The following RIT2 variants were observed in gnomAD, a reference collection of about 807,000 sequenced individuals.
RIT2 encodes GTP-binding protein Rit2.
Under a neutral mutation model 23.7 loss-of-function variants are expected in RIT2, and 24 were observed. That is an observed-to-expected ratio of 1.01 (90% CI 0.73 to 1.43). The LOEUF (loss-of-function observed/expected upper bound fraction) is 1.43. Among genes scored for constraint, RIT2 ranks in the 40% most tolerant of loss-of-function variants. RIT2 has a pLI of 0.00. For missense variants in RIT2, 236 were observed against 266.9 expected, an observed-to-expected ratio of 0.88 and a Z score of 0.81; for synonymous variants, 107 against 91.1, an observed-to-expected ratio of 1.17 and a Z score of -0.99.
intron 4 of RIT2, among the ~76,000 whole-genome samples, chr18:42,817,021 C>G (rs1906017739): frequency 6.6e-6 from 1 of 152,044 alleles, no homozygotes; most frequent in African/African-American, 2.4e-5. Context: ...GGAAGCTATA[C>G]TGCTTGTCTG....
intron 2 of RIT2, among the ~76,000 whole-genome samples, chr18:42,980,746 C>A (rs1423949647): frequency 1.3e-5 from 2 of 152,036 alleles, no homozygotes; most frequent in African/African-American, 4.8e-5. Flanking sequence ...CAGAACCCTA[C>A]CTGGAGATTT....
intron 4 of RIT2, among the ~76,000 whole-genome samples, chr18:42,794,233 G>A (rs1914105123): frequency 6.6e-6 from 1 of 152,118 alleles, no homozygotes; most frequent in African/African-American, 2.4e-5. Context: ...CAAGCAGTCA[G>A]AACTTCCCCA....
intron 1 of RIT2, among the ~76,000 whole-genome samples, chr18:43,042,298 C>T (rs943531819): frequency 6.6e-6 from 1 of 152,156 alleles, no homozygotes; most frequent in African/African-American, 2.4e-5. Context: ...TCTGCAATAC[C>T]TCTTTCTTCA....
chr18:42,974,184 A>T, intron 2 of RIT2, 37 bp from the exon 3 acceptor site: 1 of 1,363,334 alleles, frequency 7.3e-7, no homozygotes, highest in Non-Finnish European at 1.0e-6. Context: ...TTTAAATGTG[A>T]CAGGAAAGGC....
chr18:42,916,583 A>G (rs533168875), intron 4 of RIT2, among the ~76,000 whole-genome samples: 1 of 152,268 alleles, frequency 6.6e-6, no homozygotes, highest in East Asian at 1.9e-4. Context: ...CACAATTCGT[A>G]TGCACTTGAT....
At chr18:43,083,535 T>C (rs1490847415) in intron 1 of RIT2, among the ~76,000 whole-genome samples, 4 of 152,032 alleles carry the variant, frequency 2.6e-5, no homozygotes, top group African/African-American at 9.7e-5. Flanking sequence ...AACAGAGACA[T>C]AGACCAATGG....
chr18:42,887,557 G>T (rs184686338), intron 4 of RIT2, among the ~76,000 whole-genome samples: 8 of 152,140 alleles, frequency 5.3e-5, no homozygotes, highest in Non-Finnish European at 1.0e-4. Flanking sequence ...GGTGGAAGAG[G>T]GGGGAGGATG....
chr18:43,022,795 G>T (rs188258450), intron 2 of RIT2, among the ~76,000 whole-genome samples: 1 of 152,120 alleles, frequency 6.6e-6, no homozygotes, highest in Admixed American at 6.6e-5. Flanking sequence ...ACATGAGTCA[G>T]AATATTGATA....
intron 4 of RIT2, among the ~76,000 whole-genome samples, chr18:42,785,288 CT>C (rs1913897660): frequency 6.6e-6 from 1 of 152,008 alleles, no homozygotes; most frequent in Admixed American, 6.6e-5. Flanking sequence ...TAGTTGATTA[CT>C]TTTTTCATTC....
At chr18:42,969,776 G>A (rs1910319826) in intron 3 of RIT2, among the ~76,000 whole-genome samples, 2 of 151,530 alleles carry the variant, frequency 1.3e-5, no homozygotes, top group Admixed American at 1.3e-4. Context: ...TATATATTTT[G>A]CTAGAGTTTC....
At chr18:42,763,449 G>A (rs1005729003) in intron 4 of RIT2, among the ~76,000 whole-genome samples, 3 of 121,500 alleles carry the variant, frequency 2.5e-5, no homozygotes, top group Non-Finnish European at 3.4e-5. Flanking sequence ...GCAACAGAGC[G>A]AGACTCCGTC....
intron 4 of RIT2, among the ~76,000 whole-genome samples, chr18:42,869,909 C>G (rs1457448192): frequency 6.6e-6 from 1 of 152,248 alleles, no homozygotes; most frequent in Non-Finnish European, 1.5e-5. Flanking sequence ...TATCCTTTCT[C>G]TACTCTCTGC....
chr18:42,816,654 T>C (rs1906006861), intron 4 of RIT2, among the ~76,000 whole-genome samples: 1 of 152,094 alleles, frequency 6.6e-6, no homozygotes, highest in African/African-American at 2.4e-5. Flanking sequence ...AATAACACAA[T>C]GTAAACAGCA....
At chr18:42,796,495 G>A (rs9947110) in intron 4 of RIT2, among the ~76,000 whole-genome samples, 49,319 of 152,002 alleles carry the variant, frequency 0.32, 10,736 homozygotes, top group African/African-American at 0.61. Context: ...TGTGCCCAGG[G>A]TTTTACATGG....
At position 43,059,535 on chromosome 18, in the gene RIT2, A is replaced by T. The variant is rs1195910662; in HGVS notation, c.104-25668T>A. 1.2e-4 allele frequency among the ~76,000 whole-genome samples: 18 copies of T among 152,160 alleles called. 1 individual carries two copies. Among genetic ancestry groups the T allele is most frequent in the Admixed American group, 1.2e-3 (18 of 15,262 alleles). ...TAGAAACAGGACAGCAAACAGAATGAAGAGTTCACTTATCTCTCCATCTAT... is the reference window on the plus strand; with the variant it reads ...TAGAAACAGGACAGCAAACAGAATGTAGAGTTCACTTATCTCTCCATCTAT... On this transcript the variant is annotated intron_variant, in intron 1 of 4. Coordinates refer to ENST00000326695, the MANE Select transcript of RIT2 (RefSeq NM_002930.4).
intron 3 of RIT2, among the ~76,000 whole-genome samples, chr18:42,950,968 G>A (rs1350808707): frequency 6.6e-6 from 1 of 151,920 alleles, no homozygotes; most frequent in African/African-American, 2.4e-5. Context: ...CCCTACTGGT[G>A]GGAAAGGAAA....
At chr18:42,841,046 G>T (rs1313492105) in intron 4 of RIT2, among the ~76,000 whole-genome samples, 1 of 152,142 alleles carries the variant, frequency 6.6e-6, no homozygotes, top group Non-Finnish European at 1.5e-5. Context: ...CTAGCGAGCA[G>T]GCAGAAATTG....
intron 3 of RIT2, among the ~76,000 whole-genome samples, chr18:42,941,464 C>T (rs530493589): frequency 2.8e-4 from 43 of 152,038 alleles, no homozygotes; most frequent in South Asian, 1.7e-3. Context: ...CACTGTTTGC[C>T]GCCCATAGAT....
chr18:42,797,138 A>G (rs1302320308), intron 4 of RIT2, among the ~76,000 whole-genome samples: 2 of 152,166 alleles, frequency 1.3e-5, no homozygotes, highest in Non-Finnish European at 2.9e-5. Flanking sequence ...AGCAGAGGAG[A>G]CCATAAATAT....
Sources: allele counts gnomAD v4.1 joint callset (sites outside exome capture counted in the v4.1 genomes callset), GRCh38; gene constraint gnomAD v4.1.1; transcripts MANE v1.5; gene names NCBI Gene and HGNC (gene_info 2026-07-23, HGNC 2026-07-21).